Variants in RAPGEF1 observed in about 807,000 individuals in gnomAD.
RAPGEF1 encodes Rap guanine nucleotide exchange factor 1.
A neutral mutation model predicts 143.3 loss-of-function variants in RAPGEF1; 33 were observed. The observed-to-expected ratio is 0.23, with a 90% CI of 0.17 to 0.31. The LOEUF is 0.31. Ranked by LOEUF, RAPGEF1 falls within the 10% of genes least tolerant of loss-of-function variation. The probability of loss-of-function intolerance (pLI) is 1.00; values close to 1 mark genes in which losing one functional copy is unlikely to be tolerated. For synonymous variants in RAPGEF1, 629 were observed against 676.5 expected (o/e 0.93, Z 1.09); for missense variants, 1,199 against 1,645.4 (o/e 0.73, Z 4.69).
chr9:131,723,495 C>T (rs1161256103), intron 1 of RAPGEF1, among the ~76,000 whole-genome samples: 4 of 152,176 alleles, frequency 2.6e-5, no homozygotes, highest in African/African-American at 4.8e-5. Flanking sequence ...TTTTGTCTAG[C>T]GTAGGCACCT....
chr9:131,703,726 G>A lies in RAPGEF1; in HGVS notation c.61+36044C>T, dbSNP rs982532271. The stretch of plus-strand genomic sequence containing the variant: ...TATGATCCCTCAGCTCAGCCAAACC[G>A]ATGCTGTCTAAGCAGGTACTGAATG... On this transcript the variant is annotated intron_variant, in intron 1 of 26. Transcript: ENST00000683357. Among the ~76,000 whole-genome samples the A allele has an allele frequency of 4.6e-5, 7 of 152,172 alleles. No homozygotes were observed. The South Asian group carries it at 8.3e-4, about 18-fold the overall frequency.
At chr9:131,581,418 G>A (rs576504161) in intron 25 of RAPGEF1, among the ~76,000 whole-genome samples, 112 of 151,368 alleles carry the variant, frequency 7.4e-4, no homozygotes, top group African/African-American at 2.6e-3. Flanking sequence ...GCTGGGTGTG[G>A]TGACTCCTGC....
rs562382862 is a variant in RAPGEF1, at chr9:131,629,707, C to T, written c.741-453G>A. ...TTGAAAGGCTGAGGCAAGAGAATTG[C>T]TCTAATCTGAGAGGAGGAGGCTGCA... is the stretch of plus-strand genomic sequence containing the variant. On this transcript the variant is annotated intron_variant, in intron 6 of 26. Coordinates refer to ENST00000683357, the MANE Select transcript of RAPGEF1 (RefSeq NM_001377935.1). 6.6e-5 allele frequency among the ~76,000 whole-genome samples: 10 copies of T among 152,094 alleles called. No individual in the cohort carries two copies. In the East Asian group the frequency reaches 1.9e-3, roughly 29 times the overall value.
intron 1 of RAPGEF1, among the ~76,000 whole-genome samples, chr9:131,679,636 C>T (rs940955870): frequency 1.2e-4 from 18 of 152,194 alleles, no homozygotes; most frequent in Non-Finnish European, 2.5e-4. Context: ...GTCAGGGGTC[C>T]GGGTCCACGC....
chr9:131,662,948 T>C (rs1214303830), intron 1 of RAPGEF1, among the ~76,000 whole-genome samples: 2 of 151,952 alleles, frequency 1.3e-5, no homozygotes, highest in African/African-American at 2.4e-5. Flanking sequence ...AGATCACAGG[T>C]GTGAGCCTCC....
At chr9:131,657,696 G>T (rs1029440831) in intron 1 of RAPGEF1, among the ~76,000 whole-genome samples, 1 of 152,262 alleles carries the variant, frequency 6.6e-6, no homozygotes, top group African/African-American at 2.4e-5. Flanking sequence ...ACAGCCCCTG[G>T]GGCTGGTGAC....
intron 1 of RAPGEF1, among the ~76,000 whole-genome samples, chr9:131,689,246 G>A (rs1833601262): frequency 6.6e-6 from 1 of 152,230 alleles, no homozygotes; most frequent in Non-Finnish European, 1.5e-5. Flanking sequence ...TGATGGGGCA[G>A]AGGAGGGACT....
chr9:131,582,595 TG>T lies in RAPGEF1; in HGVS notation c.3512+9del. On this transcript the variant is annotated intron_variant, in intron 25 of 26. Coordinates refer to ENST00000683357, the MANE Select transcript of RAPGEF1 (RefSeq NM_001377935.1). ...GGCGGGGCTGGGGGCCTGGAGGGGC[TG>T]CTACTCACAGGTACGGGATGCACGG... 1.3e-6 allele frequency: 2 copies of T among 1,501,222 alleles called. No homozygotes were observed. The highest frequency in any genetic ancestry group is 1.3e-5 in the South Asian group (1 of 76,546). The allele number at this position is 1,501,222 out of a possible 1,614,324, so 93.0% of individuals were successfully genotyped here.
intron 1 of RAPGEF1, among the ~76,000 whole-genome samples, chr9:131,670,931 T>A (rs952755468): frequency 6.6e-6 from 1 of 152,230 alleles, no homozygotes; most frequent in African/African-American, 2.4e-5. Flanking sequence ...AAACTCGCCA[T>A]ACTGATTAAA....
intron 1 of RAPGEF1, among the ~76,000 whole-genome samples, chr9:131,722,292 G>C (rs1430476466): frequency 6.6e-6 from 1 of 152,126 alleles, no homozygotes; most frequent in Non-Finnish European, 1.5e-5. Context: ...CCTTGATCTT[G>C]CTTTTGCCTA....
chr9:131,715,239 C>T (rs1564195925), intron 1 of RAPGEF1, among the ~76,000 whole-genome samples: 1 of 152,124 alleles, frequency 6.6e-6, no homozygotes, highest in Non-Finnish European at 1.5e-5. Flanking sequence ...CACGAAGAAT[C>T]ACTTAGTTAT....
Position 131,626,056 on chromosome 9 carries a change from G to T in RAPGEF1, c.1568C>A (p.Pro523His), listed in dbSNP as rs1962915301. 1 of 1,613,702 alleles carries T rather than the reference G, an allele frequency of 6.2e-7. No homozygotes were observed. Among genetic ancestry groups the T allele is most frequent in the Non-Finnish European group, 8.5e-7 (1 of 1,179,630 alleles). Residue 523 changes from proline to histidine, a missense_variant, in exon 10 of 27, where the codon CCC becomes CAC. Pro to His is a moderately conservative substitution (Grantham distance 77, BLOSUM62 -2). This residue lies in a region of RAPGEF1 where 613 missense variants were observed against 710.9 expected (regional missense o/e 0.86). Coordinates refer to ENST00000683357, the MANE Select transcript of RAPGEF1 (RefSeq NM_001377935.1). ...CTGAAAGGGCAGAATAGCAGCAAAG[G>T]GCGCGTAGGGGACGGATGGGATCGG... is the stretch of plus-strand genomic sequence containing the variant. ...TAPIPSVPYA[P>H]FAAILPFQHG...
rs779685367 is a variant in RAPGEF1 at position 131,625,908 on chromosome 9, C to T, written c.1702+14G>A. On this transcript the variant is annotated intron_variant, in intron 10 of 26. Transcript: ENST00000683357. ...TAAAATGCACTTCCTGACAACAGTG[C>T]AACAAAGGCTTACTGTGTTTGTTTT... 1 of 1,538,724 alleles carries T rather than the reference C, an allele frequency of 6.5e-7. No homozygotes were observed. Among genetic ancestry groups the T allele is most frequent in the South Asian group, 1.2e-5 (1 of 80,212 alleles).
chr9:131,627,772 G>A (rs1963686036), intron 9 of RAPGEF1, 141 bp downstream of exon 9: 2 of 790,428 alleles, frequency 2.5e-6, no homozygotes, highest in Admixed American at 2.9e-5. Flanking sequence ...TGCAGATGAG[G>A]AAGCTGAGGC....
At chr9:131,739,472 G>C (rs921135575) in intron 1 of RAPGEF1, among the ~76,000 whole-genome samples, 2 of 151,948 alleles carry the variant, frequency 1.3e-5, no homozygotes, top group African/African-American at 4.8e-5. Context: ...CTTGGGGCTC[G>C]AGCCATTTTC....
At chr9:131,644,434 TC>T (rs1294945200) in intron 3 of RAPGEF1, among the ~76,000 whole-genome samples, 1 of 149,714 alleles carries the variant, frequency 6.7e-6, no homozygotes, top group African/African-American at 2.5e-5. Context: ...AATGGATAAA[TC>T]CCAAAATGGA....
intron 1 of RAPGEF1, among the ~76,000 whole-genome samples, chr9:131,700,268 C>T (rs545614008): frequency 6.6e-6 from 1 of 152,296 alleles, no homozygotes; most frequent in African/African-American, 2.4e-5. Context: ...AGGGCCTCTG[C>T]GCCACCTCTT....
rs151191658 is a variant in RAPGEF1, at chr9:131,652,698, T to C, written c.62-1749A>G. The stretch of plus-strand genomic sequence containing the variant: ...TGCAAGAAGCTGTCATCTCCTATGA[T>C]AACAATGCCTTCTTTTATAACACCT... On this transcript the variant is annotated intron_variant, in intron 1 of 26. Coordinates refer to ENST00000683357, the MANE Select transcript of RAPGEF1 (RefSeq NM_001377935.1). Among the ~76,000 whole-genome samples the C allele has an allele frequency of 2.8e-4, 42 of 152,308 alleles. No homozygotes were observed. In the East Asian group the frequency reaches 6.9e-3, roughly 25 times the overall value.
At chr9:131,673,427 C>T (rs1322850381) in intron 1 of RAPGEF1, among the ~76,000 whole-genome samples, 2 of 152,234 alleles carry the variant, frequency 1.3e-5, no homozygotes, top group Admixed American at 6.5e-5. Context: ...ACTGCTGACC[C>T]TGTCCTGTAG....
Sources: allele counts gnomAD v4.1 joint callset (sites outside exome capture counted in the v4.1 genomes callset), GRCh38; gene constraint gnomAD v4.1.1; regional missense constraint gnomAD v4.1.1; transcripts MANE v1.5; gene names NCBI Gene and HGNC (gene_info 2026-07-23, HGNC 2026-07-21).